RTN4RL1: variants seen among roughly 807,000 people sequenced by gnomAD.
The protein encoded by RTN4RL1 is reticulon 4 receptor like 1.
Under a neutral mutation model 25.6 loss-of-function variants are expected in RTN4RL1, and 7 were observed. That is an observed-to-expected ratio of 0.27 (90% CI 0.16 to 0.51). The LOEUF (loss-of-function observed/expected upper bound fraction) is 0.51. Ranked by LOEUF, RTN4RL1 falls within the 20% of genes least tolerant of loss-of-function variation. The pLI, the probability that RTN4RL1 is intolerant of heterozygous loss-of-function variation, is 0.97. For synonymous variants in RTN4RL1, 297 were observed against 288.2 expected (o/e 1.03, Z -0.31); for missense variants, 500 against 615.6 (o/e 0.81, Z 1.99).
At chr17:1,980,002 G>T (rs1449481739) in intron 1 of RTN4RL1, among the ~76,000 whole-genome samples, 1 of 152,176 alleles carries the variant, frequency 6.6e-6, no homozygotes, top group South Asian at 2.1e-4. Context: ...ACACACCCTG[G>T]CCTGGGGGTG....
chr17:1,997,956 G>GT (rs970788232), intron 1 of RTN4RL1, among the ~76,000 whole-genome samples: 22 of 152,212 alleles, frequency 1.4e-4, no homozygotes, highest in Non-Finnish European at 2.6e-4. Context: ...GTGGGCGCAG[G>GT]TGCCTTCGGT....
chr17:2,014,699 G>A (rs1407917205), intron 1 of RTN4RL1, among the ~76,000 whole-genome samples: 6 of 152,174 alleles, frequency 3.9e-5, no homozygotes, highest in Non-Finnish European at 8.8e-5. Context: ...GGGTGTGGTG[G>A]TGTGCACCTG....
chr17:2,017,245 G>C (rs1017063734), intron 1 of RTN4RL1, among the ~76,000 whole-genome samples: 5 of 152,242 alleles, frequency 3.3e-5, no homozygotes. Flanking sequence ...TGGGCTGAAA[G>C]TTGGGAGCCC....
At position 1,998,848 on chromosome 17, in the gene RTN4RL1, C is replaced by A. The variant is rs1189378718; in HGVS notation, c.13+26005G>T. Among the ~76,000 whole-genome samples, 1 of 152,096 alleles carries A rather than the reference C, an allele frequency of 6.6e-6. No individual in the cohort carries two copies. Among genetic ancestry groups the A allele is most frequent in the East Asian group, 1.9e-4 (1 of 5,176 alleles). ...GGGACGCGGGTTTGACGCACTTTCC[C>A]GGCAGCCGAAGACGACCCCGGAGCC... On this transcript the variant is annotated intron_variant, in intron 1 of 1. Transcript: ENST00000331238. This position sits in a 1 kb window ranked among gnomAD's most constrained non-coding sequence, Gnocchi z 4.9.
chr17:1,956,969 A>C (rs1597494174), intron 1 of RTN4RL1, among the ~76,000 whole-genome samples: 2 of 151,978 alleles, frequency 1.3e-5, no homozygotes, highest in African/African-American at 4.8e-5. Context: ...CGAACTCCTG[A>C]CCTCAGGTGA....
chr17:1,964,729 C>G (rs560780891), intron 1 of RTN4RL1, among the ~76,000 whole-genome samples: 1 of 150,690 alleles, frequency 6.6e-6, no homozygotes, highest in African/African-American at 2.4e-5. Context: ...AAGAACCTGT[C>G]TCTAAAAAAA....
chr17:2,022,625 G>A (rs73976186), intron 1 of RTN4RL1, among the ~76,000 whole-genome samples: 4,180 of 152,302 alleles, frequency 0.027, 195 homozygotes, highest in African/African-American at 0.094. Flanking sequence ...TAATCCAAAA[G>A]ATCAGGATCT....
At position 1,936,712 on chromosome 17, in the gene RTN4RL1, G is replaced by A. The variant is rs373766836; in HGVS notation, c.1110C>T (p.Ala370=). Residue 370 remains alanine, a synonymous_variant, in exon 2 of 2, where the codon GCC becomes GCT. Coordinates refer to ENST00000331238, the MANE Select transcript of RTN4RL1 (RefSeq NM_178568.4). ...CTGGCAGCTCGGGGGCCTGTTTCCC[G>A]GCGCCCGCCTTAGAGATCTGATTGC... ...RNRNQISKAG[A]GKQAPELPDY... The A allele has an allele frequency of 5.2e-5, 83 of 1,583,304 alleles. No homozygotes were observed. Among genetic ancestry groups the A allele is most frequent in the South Asian group, 8.2e-5 (7 of 85,742 alleles).
chr17:2,006,335 T>C (rs1248008600), intron 1 of RTN4RL1, among the ~76,000 whole-genome samples: 1 of 151,936 alleles, frequency 6.6e-6, no homozygotes, highest in African/African-American at 2.4e-5. Flanking sequence ...TTTTTTTGTA[T>C]TTTTAGTAGA....
chr17:2,010,300 TA>T (rs200918795), intron 1 of RTN4RL1, among the ~76,000 whole-genome samples: 2 of 132,718 alleles, frequency 1.5e-5, no homozygotes, highest in East Asian at 2.9e-4. Context: ...CTTCTAAAAA[TA>T]AAAAAATAAT....
chr17:1,949,526 C>T (rs1227631574), intron 1 of RTN4RL1, among the ~76,000 whole-genome samples: 1 of 152,198 alleles, frequency 6.6e-6, no homozygotes, highest in Non-Finnish European at 1.5e-5. Flanking sequence ...TGTTCCCCAG[C>T]CCCGAAGACC....
At chr17:2,012,774 T>C (rs141168943) in intron 1 of RTN4RL1, among the ~76,000 whole-genome samples, 1,648 of 151,728 alleles carry the variant, frequency 0.011, 37 homozygotes, top group African/African-American at 0.038. Flanking sequence ...AATGTCACTA[T>C]GTGCTATGTT....
chr17:1,950,101 G>A (rs995210862), intron 1 of RTN4RL1, among the ~76,000 whole-genome samples: 5 of 152,212 alleles, frequency 3.3e-5, no homozygotes, highest in African/African-American at 4.8e-5. Context: ...TGAAGAGCCC[G>A]GGGCGGGAGC....
At chr17:1,977,448 C>A (rs2066847096) in intron 1 of RTN4RL1, among the ~76,000 whole-genome samples, 1 of 152,186 alleles carries the variant, frequency 6.6e-6, no homozygotes, top group South Asian at 2.1e-4. Context: ...CACCTCGTCT[C>A]AGGCGGAGGT....
At chr17:1,957,820 G>A (rs986680058) in intron 1 of RTN4RL1, among the ~76,000 whole-genome samples, 2 of 151,562 alleles carry the variant, frequency 1.3e-5, no homozygotes, top group African/African-American at 4.9e-5. Context: ...CTCCAGCCTG[G>A]GCAATAGAGT....
chr17:1,953,854 C>T (rs899807204), intron 1 of RTN4RL1, among the ~76,000 whole-genome samples: 6 of 152,274 alleles, frequency 3.9e-5, no homozygotes, highest in Admixed American at 2.0e-4. Context: ...CATGAGCCAC[C>T]GTGCCTGGCC....
In RTN4RL1 at chr17:1,992,377, A is replaced by G. The variant is rs974670657; in HGVS notation, c.13+32476T>C. ...CTGTCTCAAAAAAAAAAAAAAAAAA[A>G]GAAAAACGAAAAAAGAAAAAGAGTC... On this transcript the variant is annotated intron_variant, in intron 1 of 1. Transcript: ENST00000331238. Among the ~76,000 whole-genome samples the G allele has an allele frequency of 2.0e-3, 296 of 151,176 alleles. 1 individual carries two copies. The highest frequency in any genetic ancestry group is 6.9e-3 in the African/African-American group (284 of 41,290).
At chr17:1,983,837 G>A (rs112093374) in intron 1 of RTN4RL1, among the ~76,000 whole-genome samples, 4 of 152,092 alleles carry the variant, frequency 2.6e-5, no homozygotes, top group South Asian at 4.2e-4. Flanking sequence ...CCACGGCGCC[G>A]GGTCCTGAAC....
chr17:1,985,653 TAAAC>T (rs1597227664), intron 1 of RTN4RL1, among the ~76,000 whole-genome samples: 1 of 152,018 alleles, frequency 6.6e-6, no homozygotes. Context: ...ATCTGAGAAA[TAAAC>T]AACCAGAGAT....
Sources: gnomAD v4.1 joint callset for allele counts (sites outside exome capture counted in the v4.1 genomes callset) on GRCh38, gnomAD v4.1.1 for gene constraint, Gnocchi (gnomAD v3.1) non-coding constraint, MANE v1.5 for transcripts, NCBI Gene and HGNC (gene_info 2026-07-23, HGNC 2026-07-21) for gene names.